KCTD13: variants seen among roughly 807,000 people sequenced by gnomAD.
The protein encoded by KCTD13 is BTB/POZ domain-containing adapter for CUL3-mediated RhoA degradation protein 1.
Under a neutral mutation model 32.3 loss-of-function variants are expected in KCTD13, and 15 were observed. The ratio of observed to expected loss-of-function variants is 0.46; its 90% CI spans 0.31 to 0.71. The LOEUF is 0.71. KCTD13 is among the 30% of genes least tolerant of loss of function. The probability of loss-of-function intolerance (pLI) is 0.05; values close to 1 mark genes in which losing one functional copy is unlikely to be tolerated. For missense variants in KCTD13, 337 were observed against 452.6 expected (o/e 0.74, Z 2.32); for synonymous variants, 189 against 200.1 (o/e 0.94, Z 0.47).
chr16:29,912,184 C>T (rs1005681096), intron 2 of KCTD13, 135 bp from the exon 3 acceptor site: 15 of 675,720 alleles, frequency 2.2e-5, no homozygotes, highest in East Asian at 1.4e-4. Flanking sequence ...CTCCAAGCTC[C>T]GCCAGCCTCT....
chr16:29,911,345 G>T (rs1390758820), intron 4 of KCTD13, 172 bp from the exon 5 acceptor site: 8 of 614,514 alleles, frequency 1.3e-5, no homozygotes, highest in South Asian at 1.2e-4. Flanking sequence ...CAGAAGGGAA[G>T]CCACATGCGC....
At chr16:29,913,623 CT>C (rs936333964) in intron 2 of KCTD13, 1 of 152,174 alleles carries the variant, frequency 6.6e-6, no homozygotes, top group Admixed American at 6.6e-5. Flanking sequence ...GTCAGTGGGG[CT>C]GTGGGCATCA....
At chr16:29,925,538 C>G in intron 1 of KCTD13, 1 of 561,496 alleles carries the variant, frequency 1.8e-6, no homozygotes, top group Non-Finnish European at 3.2e-6. Context: ...CAATCACTTA[C>G]CACAGCGCCT....
chr16:29,920,458 C>A (rs1157101755), intron 2 of KCTD13: 1 of 152,074 alleles, frequency 6.6e-6, no homozygotes, highest in African/African-American at 2.4e-5. Context: ...ATAATCCATG[C>A]CCTAGGGAAT....
intron 2 of KCTD13, chr16:29,914,427 G>A (rs1208851140): frequency 6.6e-6 from 1 of 151,058 alleles, no homozygotes; most frequent in African/African-American, 2.4e-5. Flanking sequence ...GGCTCCTTAA[G>A]TGCATTTCTT....
chr16:29,912,157 C>A (rs747620964), intron 2 of KCTD13, 108 bp from the exon 3 acceptor site: 66 of 738,178 alleles, frequency 8.9e-5, no homozygotes, highest in Non-Finnish European at 1.4e-4. Context: ...CCTCAGTGGT[C>A]CGCAGGGCTC....
intron 2 of KCTD13, among the ~76,000 whole-genome samples, chr16:29,912,769 T>C (rs1302494918): frequency 6.6e-6 from 1 of 152,254 alleles, no homozygotes; most frequent in African/African-American, 2.4e-5. Context: ...CAGCAGTTAG[T>C]GTCTGACTTT....
chr16:29,916,905 T>C (rs2068819873), intron 2 of KCTD13, among the ~76,000 whole-genome samples: 1 of 152,168 alleles, frequency 6.6e-6, no homozygotes, highest in South Asian at 2.1e-4. Context: ...GCGGGGAGTC[T>C]GTGCTTGCTG....
rs1398513297 is a variant in KCTD13 at position 29,911,608 on chromosome 16, C to T, written c.557+207G>A. ...CTCGCCACTATCACTTTGTCCTCACCCAAACCCATTTACTGATGACTGAGC... is the reference window on the plus strand; with the variant it reads ...CTCGCCACTATCACTTTGTCCTCACTCAAACCCATTTACTGATGACTGAGC... On this transcript the variant is annotated intron_variant, in intron 4 of 5. Coordinates refer to ENST00000568000, the MANE Select transcript of KCTD13 (RefSeq NM_178863.5). The T allele has an allele frequency of 4.9e-6, 3 of 608,254 alleles. No homozygotes were observed. The African/African-American group carries it at 5.6e-5, about 11-fold the overall frequency. The allele number at this position is 608,254 out of a possible 1,614,324, so 37.7% of individuals were successfully genotyped here. A position where few individuals can be genotyped will look rare whatever the true frequency, so the allele number is the denominator to read the frequency against.
intron 2 of KCTD13, chr16:29,919,453 C>T (rs1302774519): frequency 1.3e-5 from 2 of 152,074 alleles, no homozygotes; most frequent in African/African-American, 2.4e-5. Flanking sequence ...CCATAGAATA[C>T]CTATAACTCT....
chr16:29,913,180 T>A (rs990898096), intron 2 of KCTD13: 7 of 148,932 alleles, frequency 4.7e-5, no homozygotes, highest in Non-Finnish European at 7.4e-5. Context: ...CTGAGTGCAG[T>A]GGCATGACCA....
rs919959297 is a variant in KCTD13, at chr16:29,912,106, C to T, written c.415-57G>A. 1.2e-5 allele frequency: 15 copies of T among 1,203,162 alleles called. No homozygotes were observed. The African/African-American group carries it at 1.8e-4, about 15-fold the overall frequency. The allele number at this position is 1,203,162 out of a possible 1,614,324, so 74.5% of individuals were successfully genotyped here. A position where few individuals can be genotyped will look rare whatever the true frequency, so the allele number is the denominator to read the frequency against. On this transcript the variant is annotated intron_variant, in intron 2 of 5. Transcript: ENST00000568000. ...CAACCAAAGGCCACGTACTCCCCCA[C>T]TTAAAAGCCTTCAAAAGCTGGTTGG...
chr16:29,922,066 G>T (rs2068923869), intron 2 of KCTD13: 1 of 152,154 alleles, frequency 6.6e-6, no homozygotes, highest in South Asian at 2.1e-4. Context: ...AATGGGTCAT[G>T]AAATAAGTAA....
chr16:29,925,307 A>G (rs1408581139), intron 1 of KCTD13, among the ~76,000 whole-genome samples: 3 of 152,164 alleles, frequency 2.0e-5, no homozygotes, highest in Non-Finnish European at 2.9e-5. Flanking sequence ...GTGTACAGGG[A>G]CCTGTGTCAG....
chr16:29,924,468 C>A (rs763578071), intron 1 of KCTD13, among the ~76,000 whole-genome samples: 2 of 152,114 alleles, frequency 1.3e-5, no homozygotes, highest in African/African-American at 2.4e-5. Flanking sequence ...ATGTCTACCT[C>A]CCCCCGTCCA....
At chr16:29,907,341 G>A (rs1208971926) in intron 5 of KCTD13, among the ~76,000 whole-genome samples, 1 of 152,204 alleles carries the variant, frequency 6.6e-6, no homozygotes, top group Non-Finnish European at 1.5e-5. Context: ...TCCCTGCCTA[G>A]CCTCTTGGTA....
intron 2 of KCTD13, among the ~76,000 whole-genome samples, chr16:29,912,533 C>A (rs1269463399): frequency 6.6e-6 from 1 of 152,212 alleles, no homozygotes; most frequent in Non-Finnish European, 1.5e-5. Context: ...CTCCACCTCC[C>A]GGGTTAAAGC....
chr16:29,919,700 T>A (rs1480508269), intron 2 of KCTD13: 2 of 152,044 alleles, frequency 1.3e-5, no homozygotes, highest in African/African-American at 4.8e-5. Context: ...AAAAAACAGA[T>A]TATAAAACAT....
chr16:29,921,015 A>C (rs1019346598), intron 2 of KCTD13: 1 of 152,170 alleles, frequency 6.6e-6, no homozygotes, highest in Non-Finnish European at 1.5e-5. Flanking sequence ...ATGTATGAAC[A>C]AAATATGGTG....
Sources: allele counts gnomAD v4.1 joint callset (sites outside exome capture counted in the v4.1 genomes callset), GRCh38; gene constraint gnomAD v4.1.1; transcripts MANE v1.5; gene names NCBI Gene and HGNC (gene_info 2026-07-23, HGNC 2026-07-21).